Variants in SH3PXD2A observed in about 807,000 individuals in gnomAD.
SH3PXD2A encodes SH3 and PX domains 2A.
In SH3PXD2A, 32 loss-of-function variants were observed where a neutral mutation model predicts 115.2. The observed-to-expected ratio is 0.28, with a 90% CI of 0.21 to 0.37. SH3PXD2A has a LOEUF of 0.37. Ranked by LOEUF, SH3PXD2A falls within the 10% of genes least tolerant of loss-of-function variation. The pLI is 1.00. For missense variants in SH3PXD2A, 1,328 were observed against 1,498.7 expected, an observed-to-expected ratio of 0.89 and a Z score of 1.88; for synonymous variants, 610 against 629.1, an observed-to-expected ratio of 0.97 and a Z score of 0.45.
chr10:103,627,529 C>A lies in SH3PXD2A; in HGVS notation c.605-327G>T, dbSNP rs1232807186. On this transcript the variant is annotated intron_variant, in intron 8 of 14. Coordinates refer to ENST00000369774, the MANE Select transcript of SH3PXD2A (RefSeq NM_001394015.1). The surrounding 1 kb of genome is among the most constrained non-coding windows in gnomAD (Gnocchi z 4.4). ...GCAGGAAAGGCCAAGGGAGCTCCGG[C>A]CATACAGAGAGACCATTTATGGTCT... Among the ~76,000 whole-genome samples, 3 of 152,128 alleles carry A rather than the reference C, an allele frequency of 2.0e-5. No homozygotes were observed. The East Asian group carries it at 5.8e-4, about 29-fold the overall frequency.
rs150938741 is a variant in SH3PXD2A at position 103,637,384 on chromosome 10, G to C, written c.605-10182C>G. On this transcript the variant is annotated intron_variant, in intron 8 of 14. Coordinates refer to ENST00000369774, the MANE Select transcript of SH3PXD2A (RefSeq NM_001394015.1). ...GTCCTTCACATCTGGCTTAACACCA[G>C]GTAATTCAGAGCTCAGAATGTGGGC... Among the ~76,000 whole-genome samples the C allele has an allele frequency of 2.0e-5, 3 of 152,276 alleles. No individual in the cohort carries two copies. The East Asian group carries it at 5.8e-4, about 29-fold the overall frequency.
At position 103,601,213 on chromosome 10, in the gene SH3PXD2A, C is replaced by T. The variant is rs919865524; in HGVS notation, c.*603G>A. On this transcript the variant is annotated 3_prime_UTR_variant, in exon 15 of 15. Transcript: ENST00000369774. ...TGGGAACTGCTTTTTCTTCAACTAACAGTGACAATGGCCTGGCCCAGAAGC... is the reference window on the plus strand; with the variant it reads ...TGGGAACTGCTTTTTCTTCAACTAATAGTGACAATGGCCTGGCCCAGAAGC... The T allele has an allele frequency of 6.6e-6, 1 of 152,300 alleles. No individual in the cohort carries two copies. The highest frequency in any genetic ancestry group is 1.5e-5 in the Non-Finnish European group (1 of 68,104). 9.4% of individuals were successfully genotyped at this position (152,300 alleles called of 1,614,324 possible).
At chr10:103,619,502 G>C (rs1236201518) in intron 10 of SH3PXD2A, among the ~76,000 whole-genome samples, 1 of 152,226 alleles carries the variant, frequency 6.6e-6, no homozygotes, top group Non-Finnish European at 1.5e-5. Flanking sequence ...CATTTGCAGG[G>C]AAAAATGACA....
In SH3PXD2A at chr10:103,602,993, G is replaced by C; in HGVS notation, c.2225C>G (p.Ala742Gly). ...GGGACAGGAGGTCAGCCCAGCGTTC[G>C]CATCAGCATCCTTCTTTGCCCTGAC... ...PKVRAKKDAD[A>G]NAGLTSCPRA... The change falls in exon 15 of 15, where the codon GCG becomes GGG. Residue 742 changes from alanine (A) to glycine (G), a missense_variant. Physicochemically the swap from Ala to Gly is moderately conservative, Grantham distance 60. Transcript: ENST00000369774. 1.1e-5 allele frequency: 18 copies of C among 1,614,184 alleles called. No individual in the cohort carries two copies. Among genetic ancestry groups the C allele is most frequent in the Admixed American group, 1.7e-5 (1 of 60,030 alleles).
chr10:103,855,125 C>T, intron 1 of SH3PXD2A, 70 bp downstream of exon 1: 6 of 1,130,118 alleles, frequency 5.3e-6, no homozygotes, highest in Non-Finnish European at 7.5e-6. Flanking sequence ...CTGGGAGGGG[C>T]AAGGGGCCAT....
At chr10:103,829,646 G>A (rs973780746) in intron 1 of SH3PXD2A, among the ~76,000 whole-genome samples, 1 of 152,234 alleles carries the variant, frequency 6.6e-6, no homozygotes, top group Non-Finnish European at 1.5e-5. Context: ...GATGCCGCCT[G>A]TGCAGAGTTT....
chr10:103,799,856 G>A (rs895367149), intron 2 of SH3PXD2A, among the ~76,000 whole-genome samples: 1 of 152,208 alleles, frequency 6.6e-6, no homozygotes, highest in African/African-American at 2.4e-5. Flanking sequence ...CTGGAGAGTA[G>A]GGAGTGGCTT....
At chr10:103,724,960 G>A (rs183595005) in intron 4 of SH3PXD2A, among the ~76,000 whole-genome samples, 119 of 152,270 alleles carry the variant, frequency 7.8e-4, no homozygotes, top group Middle Eastern at 3.4e-3. Context: ...CACTAGCCAC[G>A]CTCCAGCTGC....
chr10:103,680,096 C>T (rs919266893), intron 6 of SH3PXD2A, among the ~76,000 whole-genome samples: 2 of 152,084 alleles, frequency 1.3e-5, no homozygotes, highest in Non-Finnish European at 2.9e-5. Context: ...TCTCCTGCCT[C>T]AGCCTCCTGA....
intron 1 of SH3PXD2A, among the ~76,000 whole-genome samples, chr10:103,849,431 C>A (rs1190914992): frequency 2.0e-5 from 3 of 152,232 alleles, no homozygotes; most frequent in Admixed American, 6.5e-5. Context: ...GTTAGTTCTC[C>A]CCCTTCTTAT....
At chr10:103,712,760 C>T (rs896264618) in intron 5 of SH3PXD2A, among the ~76,000 whole-genome samples, 1 of 152,246 alleles carries the variant, frequency 6.6e-6, no homozygotes, top group Non-Finnish European at 1.5e-5. Flanking sequence ...GTTATTCTGC[C>T]CTTCTGTCTG....
At chr10:103,785,285 G>C (rs1382728792) in intron 2 of SH3PXD2A, among the ~76,000 whole-genome samples, 1 of 152,198 alleles carries the variant, frequency 6.6e-6, no homozygotes, top group African/African-American at 2.4e-5. Context: ...TGTGGCCTTA[G>C]AGGAACAGCT....
At chr10:103,714,479 G>C (rs1338746096) in intron 5 of SH3PXD2A, among the ~76,000 whole-genome samples, 2 of 152,212 alleles carry the variant, frequency 1.3e-5, no homozygotes, top group Non-Finnish European at 2.9e-5. Flanking sequence ...GGCTGGACTG[G>C]GGGTGTTTGA....
chr10:103,713,500 G>A (rs1315670898), intron 5 of SH3PXD2A, among the ~76,000 whole-genome samples: 3 of 152,230 alleles, frequency 2.0e-5, no homozygotes, highest in East Asian at 3.9e-4. Context: ...TTACTCTCAC[G>A]GAAGATGAAA....
intron 2 of SH3PXD2A, among the ~76,000 whole-genome samples, chr10:103,777,881 C>T (rs1434079595): frequency 6.6e-6 from 1 of 152,176 alleles, no homozygotes; most frequent in Non-Finnish European, 1.5e-5. Context: ...ACCTGCCTGT[C>T]TCCACACGTG....
chr10:103,798,843 C>T (rs1402073925), intron 2 of SH3PXD2A, among the ~76,000 whole-genome samples: 1 of 152,066 alleles, frequency 6.6e-6, no homozygotes, highest in Non-Finnish European at 1.5e-5. Context: ...GAGCTCACCA[C>T]AGAGTGACGC....
chr10:103,714,872 G>A lies in SH3PXD2A; in HGVS notation c.398+9398C>T, dbSNP rs150573130. On this transcript the variant is annotated intron_variant, in intron 5 of 14. Transcript: ENST00000369774. ...TTGATGATAGGTGTCTGACCAGAAT[G>A]CAGCCAGGCATGTGTGGGTGGACTT... Among the ~76,000 whole-genome samples, 19 of 152,322 alleles carry A rather than the reference G, an allele frequency of 1.2e-4. No homozygotes were observed. The East Asian group carries it at 3.7e-3, about 29-fold the overall frequency.
chr10:103,767,814 T>TGTTTTG (rs35783741), intron 2 of SH3PXD2A, among the ~76,000 whole-genome samples: 2 of 145,286 alleles, frequency 1.4e-5, no homozygotes, highest in African/African-American at 2.6e-5. Context: ...TGTTTTGTTT[T>TGTTTTG]TTTTTTTTTT....
At chr10:103,604,398 T>C (rs2036269262) in intron 14 of SH3PXD2A, among the ~76,000 whole-genome samples, 1 of 152,212 alleles carries the variant, frequency 6.6e-6, no homozygotes, top group Non-Finnish European at 1.5e-5. Context: ...TGGTTTCCTG[T>C]AGGAAGGGCA....
Sources: allele counts gnomAD v4.1 joint callset (sites outside exome capture counted in the v4.1 genomes callset), GRCh38; gene constraint gnomAD v4.1.1; non-coding constraint Gnocchi (gnomAD v3.1); transcripts MANE v1.5; gene names NCBI Gene and HGNC (gene_info 2026-07-23, HGNC 2026-07-21).